PHC3: variants seen among roughly 807,000 people sequenced by gnomAD.
PHC3 encodes the protein polyhomeotic homolog 3.
In PHC3, 13 loss-of-function variants were observed where a neutral mutation model predicts 107.4. That is an observed-to-expected ratio of 0.12 (90% CI 0.08 to 0.19). The LOEUF is 0.19. Among genes scored for constraint, PHC3 ranks in the 10% least tolerant of loss-of-function variants. The pLI, the probability that PHC3 is intolerant of heterozygous loss-of-function variation, is 1.00. For missense variants in PHC3, 992 were observed against 1,210.9 expected, an observed-to-expected ratio of 0.82 and a Z score of 2.68; for synonymous variants, 456 against 427.4, an observed-to-expected ratio of 1.07 and a Z score of -0.83.
At chr3:170,138,414 G>A (rs1229626049) in intron 6 of PHC3, among the ~76,000 whole-genome samples, 2 of 151,898 alleles carry the variant, frequency 1.3e-5, no homozygotes, top group African/African-American at 2.4e-5. Flanking sequence ...TATACTGACT[G>A]GGTGTGGTGG....
rs747730740 is a variant in PHC3, at chr3:170,097,519, T to A, written c.2834-135A>T. 1.3e-5 allele frequency: 11 copies of A among 847,912 alleles called. No homozygotes were observed. The highest frequency in any genetic ancestry group is 1.7e-5 in the Non-Finnish European group (10 of 591,930). 52.5% of individuals were successfully genotyped at this position (847,912 alleles called of 1,614,324 possible). A position where few individuals can be genotyped will look rare whatever the true frequency, so the allele number is the denominator to read the frequency against. The stretch of plus-strand genomic sequence containing the variant: ...CTGAGAAACAAATGAAATTTATTTA[T>A]GGTAGTCTTGAGTTCACTCTTGAAG... On this transcript the variant is annotated intron_variant, in intron 14 of 14. Transcript: ENST00000495893. This position sits in a 1 kb window ranked among gnomAD's most constrained non-coding sequence, Gnocchi z 4.1.
intron 4 of PHC3, chr3:170,169,927 G>A (rs1052171550): frequency 6.6e-6 from 1 of 151,908 alleles, no homozygotes; most frequent in Non-Finnish European, 1.5e-5. Flanking sequence ...AAAAACTCCA[G>A]TATTAATGCT....
intron 9 of PHC3, among the ~76,000 whole-genome samples, chr3:170,121,947 T>G (rs564377044): frequency 5.3e-5 from 8 of 152,284 alleles, no homozygotes; most frequent in African/African-American, 1.9e-4. Context: ...CTATTGAGCT[T>G]CCCTGCTATT....
intron 9 of PHC3, among the ~76,000 whole-genome samples, chr3:170,117,736 G>A (rs1455429292): frequency 6.6e-6 from 1 of 151,906 alleles, no homozygotes; most frequent in Non-Finnish European, 1.5e-5. Flanking sequence ...AATGGCGCAT[G>A]CCTGTAATGC....
At chr3:170,116,654 C>T (rs140878559) in intron 10 of PHC3, among the ~76,000 whole-genome samples, 1,859 of 152,112 alleles carry the variant, frequency 0.012, 41 homozygotes, top group African/African-American at 0.042. Context: ...ATGAGCCGAG[C>T]GCCATGCCAT....
chr3:170,107,356 G>C (rs1408892891), intron 11 of PHC3, among the ~76,000 whole-genome samples: 1 of 152,150 alleles, frequency 6.6e-6, no homozygotes, highest in Admixed American at 6.5e-5. Context: ...ATACATAGCA[G>C]GGAACTCTTA....
chr3:170,123,464 C>G (rs1481747561), intron 8 of PHC3, among the ~76,000 whole-genome samples: 2 of 151,900 alleles, frequency 1.3e-5, no homozygotes, highest in African/African-American at 4.8e-5. Flanking sequence ...AACTTAACCA[C>G]CTTGTTATCC....
chr3:170,095,588 AT>A lies in PHC3; in HGVS notation c.*1641del, dbSNP rs555666131. 2.1e-4 allele frequency: 32 copies of A among 152,228 alleles called. No individual in the cohort carries two copies. The highest frequency in any genetic ancestry group is 7.5e-4 in the African/African-American group (31 of 41,576). The allele number at this position is 152,228 out of a possible 1,614,324, so 9.4% of individuals were successfully genotyped here. On this transcript the variant is annotated 3_prime_UTR_variant, in exon 15 of 15. Coordinates refer to ENST00000495893, the MANE Select transcript of PHC3 (RefSeq NM_024947.4). ...AATCTTTTTGAAAAGAGCAGTGAAAATGACTGAAACTCACGGACTCTTTTTT... is the reference window on the plus strand; with the variant it reads ...AATCTTTTTGAAAAGAGCAGTGAAAAGACTGAAACTCACGGACTCTTTTTT...
At chr3:170,100,293 G>A (rs1029423546) in intron 14 of PHC3, among the ~76,000 whole-genome samples, 6 of 152,062 alleles carry the variant, frequency 3.9e-5, no homozygotes, top group South Asian at 2.1e-4. Flanking sequence ...AACAAACAGC[G>A]CTTAATGAGA....
intron 4 of PHC3, among the ~76,000 whole-genome samples, chr3:170,156,579 G>T (rs567214902): frequency 2.3e-4 from 34 of 149,776 alleles, no homozygotes; most frequent in African/African-American, 8.1e-4. Flanking sequence ...TATCCATGAA[G>T]AATTTTCTTT....
At chr3:170,128,237 GC>G in intron 8 of PHC3, 1 of 475,296 alleles carries the variant, frequency 2.1e-6, no homozygotes. Flanking sequence ...TCCCCTAAAA[GC>G]CCAAGACTCT....
chr3:170,139,159 G>C (rs1388038135), intron 6 of PHC3, among the ~76,000 whole-genome samples: 3 of 152,206 alleles, frequency 2.0e-5, no homozygotes, highest in Admixed American at 6.5e-5. Context: ...AGACTCGCTA[G>C]TAGACTCTCA....
intron 4 of PHC3, among the ~76,000 whole-genome samples, chr3:170,164,444 C>T (rs1315651760): frequency 6.6e-6 from 1 of 152,150 alleles, no homozygotes; most frequent in African/African-American, 2.4e-5. Flanking sequence ...TACAGATCTT[C>T]TGCTTGCGTA....
At position 170,129,342 on chromosome 3, in the gene PHC3, C is replaced by T. The variant is rs1721878654; in HGVS notation, c.1130G>A (p.Ser377Asn). ...TGAACAATGCTGTGACTGGGCATTA[C>T]TGGGAGCTGGAGGAAGGCCATGGTT... Reference protein sequence around the residue: ...LQNHGLPPAPSNAQSQHCSPI... With the variant: ...LQNHGLPPAPNNAQSQHCSPI... Residue 377 changes from serine (S) to asparagine (N), a missense_variant, in exon 8 of 15, where the codon AGT becomes AAT. Physicochemically the swap from Ser to Asn is conservative, Grantham distance 46. Around this residue, in one of 6 missense-constraint regions of PHC3, gnomAD observed 543 missense variants for 590.8 expected, o/e 0.92. Transcript: ENST00000495893. 6.2e-7 allele frequency: 1 copy of T among 1,613,812 alleles called. No homozygotes were observed. The highest frequency in any genetic ancestry group is 1.1e-5 in the South Asian group (1 of 91,076).
At position 170,170,310 on chromosome 3, in the gene PHC3, GC is replaced by G. The variant is rs796866879; in HGVS notation, c.414+1062del. 5.9e-4 allele frequency: 89 copies of G among 150,652 alleles called. 1 individual carries two copies. The highest frequency in any genetic ancestry group is 2.1e-3 in the African/African-American group (85 of 40,940). The allele number at this position is 150,652 out of a possible 1,614,324, so 9.3% of individuals were successfully genotyped here. On this transcript the variant is annotated intron_variant, in intron 4 of 14. Coordinates refer to ENST00000495893, the MANE Select transcript of PHC3 (RefSeq NM_024947.4). ...TTAGGTTCTCAACTACAGGCAGTTT[GC>G]CCCCCACCAGGAAACACCTATAGTT... is the stretch of plus-strand genomic sequence containing the variant.
chr3:170,092,443 G>A lies in PHC3; in HGVS notation c.*4787C>T, dbSNP rs1181413054. On this transcript the variant is annotated 3_prime_UTR_variant, in exon 15 of 15. Coordinates refer to ENST00000495893, the MANE Select transcript of PHC3 (RefSeq NM_024947.4). ...GAAATTAAATGCTCCAAGTAGATTT[G>A]TAAAATACCAATATTGATGAATGTG... 6.6e-6 allele frequency: 1 copy of A among 152,180 alleles called. No homozygotes were observed. The highest frequency in any genetic ancestry group is 1.5e-5 in the Non-Finnish European group (1 of 68,034). 9.4% of individuals were successfully genotyped at this position (152,180 alleles called of 1,614,324 possible).
chr3:170,112,388 T>C (rs1329171614), intron 11 of PHC3, among the ~76,000 whole-genome samples: 7 of 115,706 alleles, frequency 6.0e-5, no homozygotes, highest in Admixed American at 2.7e-4. Flanking sequence ...TTTATATATA[T>C]ATATATATTT....
rs1482838378 is a variant in PHC3, at chr3:170,126,524, ATATAT to A, written c.1788+2155_1788+2159del. ...CATATGTATATATATATATATATAT[ATATAT>A]TTTTTTTTTTTTTTCCTTTTTCTTT... is the stretch of plus-strand genomic sequence containing the variant. On this transcript the variant is annotated intron_variant, in intron 8 of 14. Coordinates refer to ENST00000495893, the MANE Select transcript of PHC3 (RefSeq NM_024947.4). Among the ~76,000 whole-genome samples, 7 of 80,046 alleles carry A rather than the reference ATATAT, an allele frequency of 8.7e-5. 1 individual carries two copies. The highest frequency in any genetic ancestry group is 3.5e-4 in the African/African-American group (7 of 20,152). The allele number at this position is 80,046 out of a possible 152,430, so 52.5% of individuals were successfully genotyped here. A position where few individuals can be genotyped will look rare whatever the true frequency, so the allele number is the denominator to read the frequency against.
At chr3:170,104,259 C>CCCAT (rs1362733414) in intron 12 of PHC3, among the ~76,000 whole-genome samples, 1 of 151,802 alleles carries the variant, frequency 6.6e-6, no homozygotes, top group Non-Finnish European at 1.5e-5. Context: ...AGCTCATGAG[C>CCCAT]CCATACAAAA....
Sources: gnomAD v4.1 joint callset for allele counts (sites outside exome capture counted in the v4.1 genomes callset) on GRCh38, gnomAD v4.1.1 for gene constraint, gnomAD v4.1.1 regional missense constraint, Gnocchi (gnomAD v3.1) non-coding constraint, MANE v1.5 for transcripts, NCBI Gene and HGNC (gene_info 2026-07-23, HGNC 2026-07-21) for gene names.